Variants in WDFY4 observed in about 807,000 individuals in gnomAD.
The protein encoded by WDFY4 is WDFY family member 4, also known as WD repeat- and FYVE domain-containing protein 4.
A neutral mutation model predicts 351.9 loss-of-function variants in WDFY4; 169 were observed. The ratio of observed to expected loss-of-function variants is 0.48; its 90% CI spans 0.42 to 0.55. The LOEUF (loss-of-function observed/expected upper bound fraction) is 0.55. Ranked by LOEUF, WDFY4 falls within the 20% of genes least tolerant of loss-of-function variation. WDFY4 has a pLI of 0.00. For missense variants in WDFY4, 3,803 were observed against 3,935.6 expected (o/e 0.97, Z 0.90); for synonymous variants, 1,622 against 1,574.6 (o/e 1.03, Z -0.71).
chr10:48,812,190 G>GTTTTTTTTTTTTTTTTTTTTTTTTT, intron 30 of WDFY4, among the ~76,000 whole-genome samples: 1 of 137,532 alleles, frequency 7.3e-6, no homozygotes, highest in Admixed American at 7.1e-5. Context: ...TTTTTTTTTT[G>GTTTTTTTTTTTTTTTTTTTTTTTTT]TTTTTTTTGT....
At chr10:48,927,817 A>G (rs1467279432) in intron 47 of WDFY4, among the ~76,000 whole-genome samples, 1 of 152,202 alleles carries the variant, frequency 6.6e-6, no homozygotes, top group Non-Finnish European at 1.5e-5. Context: ...AATAGCATCT[A>G]TTTTGTAATT....
intron 3 of WDFY4, among the ~76,000 whole-genome samples, chr10:48,720,519 C>T (rs1457095457): frequency 6.6e-6 from 1 of 151,676 alleles, no homozygotes; most frequent in Non-Finnish European, 1.5e-5. Context: ...GACATACACA[C>T]TACACACAGA....
intron 47 of WDFY4, chr10:48,914,016 A>C (rs761885241): frequency 3.1e-6 from 5 of 1,614,220 alleles, no homozygotes; most frequent in South Asian, 1.1e-5. Context: ...ACTAAGGCGC[A>C]GAATACACTT....
chr10:48,963,094 T>C (rs1841932322), intron 53 of WDFY4, among the ~76,000 whole-genome samples: 1 of 152,166 alleles, frequency 6.6e-6, no homozygotes, highest in African/African-American at 2.4e-5. Flanking sequence ...GAATGAAAAC[T>C]GGGGGCTGGA....
intron 35 of WDFY4, among the ~76,000 whole-genome samples, chr10:48,826,148 G>A (rs143804751): frequency 6.6e-6 from 1 of 152,164 alleles, no homozygotes; most frequent in East Asian, 1.9e-4. Flanking sequence ...TATAACGAAG[G>A]GGTCCAGTTT....
intron 47 of WDFY4, among the ~76,000 whole-genome samples, chr10:48,935,624 A>T (rs557565862): frequency 6.6e-6 from 1 of 152,254 alleles, no homozygotes; most frequent in South Asian, 2.1e-4. Context: ...GCTGTCTTTC[A>T]TCTATTTATT....
At chr10:48,893,123 G>A (rs1836896917) in intron 44 of WDFY4, among the ~76,000 whole-genome samples, 1 of 152,202 alleles carries the variant, frequency 6.6e-6, no homozygotes, top group Admixed American at 6.5e-5. Flanking sequence ...TGTGTTTGCA[G>A]ACAATCCTTT....
chr10:48,914,165 G>A (rs367775365), intron 47 of WDFY4: 14 of 1,607,908 alleles, frequency 8.7e-6, no homozygotes, highest in African/African-American at 6.7e-5. Context: ...TGTTCTTTTA[G>A]TAAGGGAGTG....
At position 48,969,253 on chromosome 10, in the gene WDFY4, G is replaced by C; in HGVS notation, c.8769+5G>C. ...GGGAGCTACGGCTCCGACAAGGTGA[G>C]GGGGCTGCAGGGAGCAGGGGCAGCC... is the stretch of plus-strand genomic sequence containing the variant. On this transcript the variant is annotated splice_donor_5th_base_variant and intron_variant, in intron 56 of 61. Transcript: ENST00000325239. 6.4e-7 allele frequency: 1 copy of C among 1,550,928 alleles called. No homozygotes were observed. Among genetic ancestry groups the C allele is most frequent in the Non-Finnish European group, 8.7e-7 (1 of 1,146,884 alleles).
chr10:48,795,636 A>G (rs11101491), intron 23 of WDFY4, among the ~76,000 whole-genome samples: 26,287 of 151,044 alleles, frequency 0.17, 3,525 homozygotes, highest in African/African-American at 0.37. Flanking sequence ...GACAGGGAGA[A>G]AGGGCGGGCT....
intron 2 of WDFY4, among the ~76,000 whole-genome samples, chr10:48,719,692 G>A (rs2064015615): frequency 1.3e-5 from 2 of 152,212 alleles, no homozygotes; most frequent in Admixed American, 1.3e-4. Context: ...CTCCTATGGG[G>A]GCAGCAGGCA....
chr10:48,928,353 CGT>C (rs3081490), intron 47 of WDFY4, among the ~76,000 whole-genome samples: 4,354 of 124,944 alleles, frequency 0.035, 76 homozygotes, highest in Middle Eastern at 0.044. Context: ...TTGGTTTTGA[CGT>C]GTGTGTGTGT....
Position 48,832,616 on chromosome 10 carries a change from C to A in WDFY4, c.6570C>A (p.His2190Gln). 4 of 1,551,008 alleles carry A rather than the reference C, an allele frequency of 2.6e-6. No homozygotes were observed. In the African/African-American group the frequency reaches 5.5e-5, roughly 21 times the overall value. ...KSLASRSNVA[H>Q]HSKVTLWSGS... ...TGGCAAGTCGTTCAAATGTTGCACA[C>A]CACAGCAAAGTCACTTTGTGGAGTG... The change falls in exon 39 of 62, where the codon CAC becomes CAA. Residue 2190 changes from histidine to glutamine, a missense_variant. By Grantham distance (24) the His-to-Gln change is conservative. Around this residue, in one of 3 missense-constraint regions of WDFY4, gnomAD observed 3,054 missense variants for 3,148.6 expected, o/e 0.97. Coordinates refer to ENST00000325239, the MANE Select transcript of WDFY4 (RefSeq NM_001394531.1).
chr10:48,883,007 C>T (rs1320902852), intron 43 of WDFY4, among the ~76,000 whole-genome samples: 1 of 152,236 alleles, frequency 6.6e-6, no homozygotes, highest in East Asian at 1.9e-4. Flanking sequence ...CGTTCCCTCT[C>T]TACTGCCTCC....
At chr10:48,733,324 C>T (rs909228702) in intron 9 of WDFY4, among the ~76,000 whole-genome samples, 5 of 152,118 alleles carry the variant, frequency 3.3e-5, no homozygotes, top group Non-Finnish European at 1.5e-5. Flanking sequence ...TTCATTCATT[C>T]CCCAAATAAG....
In WDFY4 at chr10:48,709,926, G is replaced by T. The variant is rs749750781; in HGVS notation, c.194G>T (p.Arg65Leu). The change falls in exon 2 of 62, where the codon CGT (arginine) becomes CTT (leucine). Residue 65 changes from arginine to leucine, a missense_variant. By Grantham distance (102) the Arg-to-Leu change is moderately radical. This residue lies in a region of WDFY4 where 488 missense variants were observed against 456.8 expected (regional missense o/e 1.07). Transcript: ENST00000325239. ...QQLTHKSPIE[R>L]QKSLLSLLPL... ...TTGACTCACAAGAGCCCCATTGAGC[G>T]TCAGAAGAGCCTGTTGAGTCTTCTC... 138 of 1,552,072 alleles carry T rather than the reference G, an allele frequency of 8.9e-5. No homozygotes were observed. The highest frequency in any genetic ancestry group is 1.2e-4 in the Non-Finnish European group (136 of 1,147,104).
At chr10:48,701,751 C>T (rs1384990242) in intron 1 of WDFY4, among the ~76,000 whole-genome samples, 3 of 152,192 alleles carry the variant, frequency 2.0e-5, no homozygotes, top group Admixed American at 6.5e-5. Context: ...AGCTATGGAA[C>T]CACTCTGAGG....
At position 48,691,404 on chromosome 10, in the gene WDFY4, C is replaced by T. The variant is rs767989727; in HGVS notation, c.-18+6403C>T. ...TTCCACCCGGGCCCCTAAGCCTGACCCTAGCTCCACACTGGCACCCCTCTC... is the reference window on the plus strand; with the variant it reads ...TTCCACCCGGGCCCCTAAGCCTGACTCTAGCTCCACACTGGCACCCCTCTC... On this transcript the variant is annotated intron_variant, in intron 1 of 61. Coordinates refer to ENST00000325239, the MANE Select transcript of WDFY4 (RefSeq NM_001394531.1). 1.8e-3 allele frequency among the ~76,000 whole-genome samples: 278 copies of T among 152,272 alleles called. 1 individual carries two copies. Among genetic ancestry groups the T allele is most frequent in the Middle Eastern group, 6.8e-3 (2 of 294 alleles).
Position 48,731,453 on chromosome 10 carries a change from C to A in WDFY4, c.1473C>A (p.Leu491=). 1 of 1,551,722 alleles carries A rather than the reference C, an allele frequency of 6.4e-7. No homozygotes were observed. Among genetic ancestry groups the A allele is most frequent in the Non-Finnish European group, 8.7e-7 (1 of 1,147,000 alleles). ...CCCTCATGGCCCTGCAGAGCATCCT[C>A]AGCATCGCTGGTGGGGACCCCCTCT... ...SCTLMALQSI[L]SIAGGDPLFT... Residue 491 remains leucine (L), a synonymous_variant, in exon 9 of 62, where the codon CTC becomes CTA. Transcript: ENST00000325239.
Sources: gnomAD v4.1 joint callset for allele counts (sites outside exome capture counted in the v4.1 genomes callset) on GRCh38, gnomAD v4.1.1 for gene constraint, gnomAD v4.1.1 regional missense constraint, MANE v1.5 for transcripts, NCBI Gene and HGNC (gene_info 2026-07-23, HGNC 2026-07-21) for gene names.